Variants in AKAP19 observed in about 807,000 individuals in gnomAD.
AKAP19 encodes the protein small A-kinase anchoring protein.
At chr2:189,990,551 T>C in the AKAP19 span, among the ~76,000 whole-genome samples, 1 of 152,188 alleles carries the variant, frequency 6.6e-6, no homozygotes, top group Non-Finnish European at 1.5e-5. Flanking sequence ...GTTTTAATAT[T>C]TTTAAGGAAT....
At chr2:190,163,295 G>A in the AKAP19 span, among the ~76,000 whole-genome samples, 21,338 of 151,822 alleles carry the variant, frequency 0.14, 1,780 homozygotes, top group Middle Eastern at 0.24. Flanking sequence ...TTAGCCGGGC[G>A]TGTTGGCGGG....
chr2:189,973,388 G>A, the AKAP19 span, among the ~76,000 whole-genome samples: 2 of 152,260 alleles, frequency 1.3e-5, no homozygotes, highest in East Asian at 3.9e-4. Flanking sequence ...CGGTTTGCCA[G>A]TATTTTATTG....
At chr2:189,954,911 C>T in the AKAP19 span, among the ~76,000 whole-genome samples, 1 of 152,120 alleles carries the variant, frequency 6.6e-6, no homozygotes, top group Non-Finnish European at 1.5e-5. Context: ...AAAAGTTTAT[C>T]TTTAAACTAT....
the AKAP19 span, among the ~76,000 whole-genome samples, chr2:190,167,016 A>G: frequency 6.6e-6 from 1 of 152,228 alleles, no homozygotes; most frequent in Non-Finnish European, 1.5e-5. Context: ...TATTAGAATT[A>G]TTGAAAGTTC....
the AKAP19 span, among the ~76,000 whole-genome samples, chr2:190,097,859 C>CAAAAAAAAA: frequency 4.0e-4 from 26 of 64,436 alleles, no homozygotes; most frequent in African/African-American, 1.5e-3. Context: ...TGGTTTCTAC[C>CAAAAAAAAA]AAAAAAAAAA....
At chr2:190,016,992 G>C in the AKAP19 span, among the ~76,000 whole-genome samples, 1 of 151,954 alleles carries the variant, frequency 6.6e-6, no homozygotes, top group African/African-American at 2.4e-5. Flanking sequence ...ATTTATGATT[G>C]CTATATTCTC....
the AKAP19 span, among the ~76,000 whole-genome samples, chr2:190,123,786 G>C: frequency 2.6e-5 from 4 of 152,208 alleles, no homozygotes; most frequent in Admixed American, 6.5e-5. Context: ...GTGTCTAAGA[G>C]GGTGTTTCCA....
chr2:190,050,380 T>C, the AKAP19 span, among the ~76,000 whole-genome samples: 1 of 152,214 alleles, frequency 6.6e-6, no homozygotes, highest in Non-Finnish European at 1.5e-5. Flanking sequence ...TAGGGAGGTA[T>C]GGAGGTTGCC....
the AKAP19 span, among the ~76,000 whole-genome samples, chr2:190,197,096 C>A: frequency 6.6e-6 from 1 of 152,050 alleles, no homozygotes; most frequent in African/African-American, 2.4e-5. The surrounding 1 kb of genome is among the most constrained non-coding windows in gnomAD (Gnocchi z 4.0). Flanking sequence ...TTTATGAGAG[C>A]ACTAAAACTC....
the AKAP19 span, chr2:190,202,507 T>C: frequency 0.22 from 36,554 of 167,022 alleles, 4,305 homozygotes; most frequent in East Asian, 0.34. Context: ...GTTATCATGG[T>C]ATGGCCTTCA....
the AKAP19 span, among the ~76,000 whole-genome samples, chr2:190,073,521 T>C: frequency 6.6e-6 from 1 of 151,966 alleles, no homozygotes; most frequent in Non-Finnish European, 1.5e-5. Context: ...ATATTAATAC[T>C]CTAAAAGCCA....
At chr2:189,978,411 A>G in the AKAP19 span, among the ~76,000 whole-genome samples, 1 of 152,146 alleles carries the variant, frequency 6.6e-6, no homozygotes, top group African/African-American at 2.4e-5. Context: ...ACTTGAGGTC[A>G]GGAGTTCAAG....
chr2:190,167,185 C>T, the AKAP19 span, among the ~76,000 whole-genome samples: 477 of 152,180 alleles, frequency 3.1e-3, 1 homozygote, highest in African/African-American at 0.011. Flanking sequence ...ACAATTATAG[C>T]GAAAGGTGAA....
At chr2:190,192,213 C>G in the AKAP19 span, among the ~76,000 whole-genome samples, 1 of 152,030 alleles carries the variant, frequency 6.6e-6, no homozygotes, top group South Asian at 2.1e-4. Context: ...AAAAGATTAT[C>G]CTTTTTGCAT....
the AKAP19 span, among the ~76,000 whole-genome samples, chr2:189,893,576 G>C: frequency 6.6e-6 from 1 of 152,148 alleles, no homozygotes; most frequent in Non-Finnish European, 1.5e-5. Context: ...CCAGTGAAAT[G>C]AGCCGGGTAC....
chr2:190,076,626 G>A, the AKAP19 span, among the ~76,000 whole-genome samples: 1 of 152,058 alleles, frequency 6.6e-6, no homozygotes, highest in African/African-American at 2.4e-5. Flanking sequence ...AGATTGCATT[G>A]TTTTGACAGG....
chr2:189,886,176 T>C, the AKAP19 span, among the ~76,000 whole-genome samples: 1 of 152,208 alleles, frequency 6.6e-6, no homozygotes, highest in Non-Finnish European at 1.5e-5. Context: ...GGGATACCAG[T>C]ATTTTTGAGG....
At chr2:190,093,992 AG>A in the AKAP19 span, among the ~76,000 whole-genome samples, 1 of 152,214 alleles carries the variant, frequency 6.6e-6, no homozygotes, top group Admixed American at 6.5e-5. Flanking sequence ...CTGTTACGAA[AG>A]CAGCAGCTCT....
At chr2:190,145,452 A>G in the AKAP19 span, among the ~76,000 whole-genome samples, 60 of 152,376 alleles carry the variant, frequency 3.9e-4, no homozygotes, top group East Asian at 9.0e-3. Flanking sequence ...TCATATTAGC[A>G]CAGATAATAT....
Sources: gnomAD v4.1 joint callset for allele counts (sites outside exome capture counted in the v4.1 genomes callset) on GRCh38, gnomAD v4.1.1 for gene constraint, Gnocchi (gnomAD v3.1) non-coding constraint, MANE v1.5 for transcripts, NCBI Gene and HGNC (gene_info 2026-07-23, HGNC 2026-07-21) for gene names.